Variants in RPS10 observed in about 807,000 individuals in gnomAD.
RPS10 encodes small ribosomal subunit protein eS10.
In RPS10, 2 loss-of-function variants were observed where a neutral mutation model predicts 22.6. That is an observed-to-expected ratio of 0.09 (90% CI 0.04 to 0.28). The LOEUF is 0.28. Among genes scored for constraint, RPS10 ranks in the 10% least tolerant of loss-of-function variants. RPS10 has a pLI of 1.00. For missense variants in RPS10, 137 were observed against 222.2 expected (o/e 0.62, Z 2.44); for synonymous variants, 70 against 75.9 (o/e 0.92, Z 0.40).
At position 34,421,723 on chromosome 6, in the gene RPS10, T is replaced by A; in HGVS notation, c.400+7A>T. On this transcript the variant is annotated splice_region_variant and intron_variant, in intron 4 of 5. Transcript: ENST00000648437. The stretch of plus-strand genomic sequence containing the variant: ...ACACCCCTAATATAGGTGATGCATT[T>A]ACTCACGTGGCACAGCACTCCGTCT... 6.2e-7 allele frequency: 1 copy of A among 1,613,694 alleles called. No individual in the cohort carries two copies. The highest frequency in any genetic ancestry group is 1.1e-5 in the South Asian group (1 of 91,058).
intron 3 of RPS10, among the ~76,000 whole-genome samples, chr6:34,422,198 G>A (rs940191470): frequency 1.3e-5 from 2 of 152,182 alleles, no homozygotes; most frequent in Non-Finnish European, 2.9e-5. Context: ...TAAGCTGAAA[G>A]TCCCAACTCC....
At chr6:34,424,504 C>T (rs976364899) in intron 3 of RPS10, 165 bp downstream of exon 3, 16 of 861,366 alleles carry the variant, frequency 1.9e-5, no homozygotes, top group Non-Finnish European at 2.6e-5. Context: ...AGAACTGAGT[C>T]TAGTTCTATT....
At chr6:34,418,918 A>T (rs1765665865) in intron 4 of RPS10, among the ~76,000 whole-genome samples, 1 of 151,972 alleles carries the variant, frequency 6.6e-6, no homozygotes, top group Admixed American at 6.6e-5. Flanking sequence ...TCTGTCACCC[A>T]GGATGGAGTG....
chr6:34,425,579 G>A, intron 1 of RPS10: 1 of 335,884 alleles, frequency 3.0e-6, no homozygotes, highest in South Asian at 2.4e-5. Flanking sequence ...TCTCGCGGCT[G>A]TACCATAAGG....
At chr6:34,418,862 G>T (rs954598905) in intron 4 of RPS10, among the ~76,000 whole-genome samples, 1 of 152,132 alleles carries the variant, frequency 6.6e-6, no homozygotes, top group African/African-American at 2.4e-5. Context: ...GGAGACGTGT[G>T]CAAAATTCAC....
intron 4 of RPS10, among the ~76,000 whole-genome samples, chr6:34,420,286 T>C (rs974798055): frequency 3.3e-5 from 5 of 151,844 alleles, no homozygotes; most frequent in African/African-American, 1.2e-4. Flanking sequence ...CATGATCTTG[T>C]CTCACTGCAA....
intron 4 of RPS10, among the ~76,000 whole-genome samples, chr6:34,420,846 A>G (rs1381703408): frequency 6.6e-6 from 1 of 151,454 alleles, no homozygotes; most frequent in East Asian, 2.0e-4. Context: ...CTCTACTAAA[A>G]ATACAAAAAA....
At chr6:34,418,263 T>C (rs1765643948) in intron 5 of RPS10, 106 bp downstream of exon 5, 1 of 1,589,502 alleles carries the variant, frequency 6.3e-7, no homozygotes, top group South Asian at 1.1e-5. Context: ...GGGAACTGGT[T>C]GACAGGACCC....
chr6:34,425,421 C>T, intron 1 of RPS10, 200 bp from the exon 2 acceptor site: 1 of 648,258 alleles, frequency 1.5e-6, no homozygotes, highest in Non-Finnish European at 2.7e-6. Context: ...GAAAAGTTGA[C>T]AGTATGTTAA....
At chr6:34,421,097 G>A (rs1765749338) in intron 4 of RPS10, among the ~76,000 whole-genome samples, 1 of 132,026 alleles carries the variant, frequency 7.6e-6, no homozygotes, top group African/African-American at 2.8e-5. Context: ...TACCGAAGAG[G>A]TTTTTTTTTT....
At chr6:34,422,378 G>A (rs1458573028) in intron 3 of RPS10, among the ~76,000 whole-genome samples, 4 of 152,292 alleles carry the variant, frequency 2.6e-5, no homozygotes, top group East Asian at 3.9e-4. Context: ...GCAGTGGCGC[G>A]ATCTTGGCTC....
At chr6:34,417,708 T>C in intron 5 of RPS10, 161 bp from the exon 6 acceptor site, 4 of 748,932 alleles carry the variant, frequency 5.3e-6, no homozygotes, top group South Asian at 3.0e-5. Flanking sequence ...TGCCCCTTAC[T>C]GGATGTGGGG....
intron 3 of RPS10, among the ~76,000 whole-genome samples, chr6:34,422,550 A>G (rs1765803052): frequency 1.3e-5 from 2 of 152,038 alleles, no homozygotes; most frequent in Admixed American, 1.3e-4. Flanking sequence ...CCTGACCTCA[A>G]GTGACCCTCC....
At chr6:34,425,378 C>T (rs1765920661) in intron 1 of RPS10, 157 bp from the exon 2 acceptor site, 7 of 867,392 alleles carry the variant, frequency 8.1e-6, no homozygotes, top group Non-Finnish European at 1.3e-5. Flanking sequence ...AGGCCAGCTC[C>T]GTCAGTCCCC....
intron 4 of RPS10, among the ~76,000 whole-genome samples, chr6:34,419,519 A>G (rs1765690872): frequency 6.6e-6 from 1 of 152,190 alleles, no homozygotes. Context: ...CTTTATACTG[A>G]TTACATGTTA....
intron 4 of RPS10, 141 bp from the exon 5 acceptor site, chr6:34,418,565 G>T: frequency 1.5e-6 from 2 of 1,329,784 alleles, no homozygotes; most frequent in African/African-American, 1.5e-5. Flanking sequence ...CCAGTGGTGG[G>T]GAATACCTTC....
At chr6:34,425,601 G>A (rs1486687022) in intron 1 of RPS10, 2 of 302,860 alleles carry the variant, frequency 6.6e-6, no homozygotes, top group Non-Finnish European at 6.5e-6. Context: ...ACGCAGGGAA[G>A]GCCCGGAGGG....
chr6:34,424,041 CAG>C (rs1561939727), intron 3 of RPS10, among the ~76,000 whole-genome samples: 1 of 142,990 alleles, frequency 7.0e-6, no homozygotes, highest in African/African-American at 2.5e-5. Context: ...GCAGCTCCTA[CAG>C]AGTTTTGTAA....
chr6:34,421,955 A>C (rs759679141), intron 3 of RPS10, 148 bp from the exon 4 acceptor site: 3 of 715,456 alleles, frequency 4.2e-6, no homozygotes, highest in East Asian at 2.6e-5. Context: ...CCTTAAACCT[A>C]CAATGTCAGC....
Sources: allele counts gnomAD v4.1 joint callset (sites outside exome capture counted in the v4.1 genomes callset), GRCh38; gene constraint gnomAD v4.1.1; transcripts MANE v1.5; gene names NCBI Gene and HGNC (gene_info 2026-07-23, HGNC 2026-07-21).